GPR141: variants seen among roughly 807,000 people sequenced by gnomAD.
The protein encoded by GPR141 is probable G protein-coupled receptor 141.
In GPR141, 6 loss-of-function variants were observed where a neutral mutation model predicts 6.8. The ratio of observed to expected loss-of-function variants is 0.88; its 90% confidence interval spans 0.48 to 1.74. The LOEUF (loss-of-function observed/expected upper bound fraction) is 1.74, where lower values mean the gene tolerates loss of function less well. GPR141 is among the 40% of genes most tolerant of loss of function. GPR141 has a pLI of 0.01. For synonymous variants in GPR141, 140 were observed against 142.3 expected (o/e 0.98, Z 0.11); for missense variants, 372 against 372.9 (o/e 1.00, Z 0.02).
rs746461138 is a variant in GPR141, at chr7:37,741,126, A to G, written c.733A>G (p.Arg245Gly). 1.2e-6 allele frequency: 2 copies of G among 1,614,012 alleles called. No homozygotes were observed. The highest frequency in any genetic ancestry group is 8.5e-7 in the Non-Finnish European group (1 of 1,179,928). Residue 245 changes from arginine (R) to glycine (G), a missense_variant, in exon 3 of 3, where the codon AGG becomes GGG. By Grantham distance (125) the Arg-to-Gly change is moderately radical (BLOSUM62 -2). Transcript: ENST00000334425. Reference sequence around the variant, plus strand: ...TTGTTTCCTTCCCTACCAGTTCTTTAGGATCTATTACTTGAATGTTGTGAC... The same window carrying G: ...TTGTTTCCTTCCCTACCAGTTCTTTGGGATCTATTACTTGAATGTTGTGAC... The part of the protein sequence containing the change: ...LVCFLPYQFF[R>G]IYYLNVVTHS...
chr7:37,715,861 CAAG>C (rs1042525010), intron 2 of GPR141, among the ~76,000 whole-genome samples: 1 of 152,158 alleles, frequency 6.6e-6, no homozygotes, highest in Non-Finnish European at 1.5e-5. Context: ...CTACCTAAAA[CAAG>C]AGAATTTGCC....
chr7:37,722,720 CAAAAA>C (rs146286812), intron 2 of GPR141, among the ~76,000 whole-genome samples: 1 of 121,218 alleles, frequency 8.2e-6, no homozygotes. Flanking sequence ...GACTCCATCT[CAAAAA>C]AAAAAAAAAA....
chr7:37,719,378 A>G (rs1403319356), intron 2 of GPR141, among the ~76,000 whole-genome samples: 1 of 152,128 alleles, frequency 6.6e-6, no homozygotes, highest in East Asian at 1.9e-4. Flanking sequence ...GCAAGTTTTC[A>G]ATTTGGCAAG....
intron 2 of GPR141, among the ~76,000 whole-genome samples, chr7:37,714,951 T>C (rs76400111): frequency 0.018 from 2,766 of 152,364 alleles, 163 homozygotes; most frequent in Admixed American, 0.1. Context: ...TAGCATTTCT[T>C]TTCTGGATAT....
chr7:37,699,496 G>A (rs574507192), intron 2 of GPR141, among the ~76,000 whole-genome samples: 1 of 152,360 alleles, frequency 6.6e-6, no homozygotes, highest in South Asian at 2.1e-4. Flanking sequence ...AAGAGGCGGA[G>A]CTTGCAGTGA....
chr7:37,716,490 G>T (rs1315958165), intron 2 of GPR141, among the ~76,000 whole-genome samples: 1 of 152,144 alleles, frequency 6.6e-6, no homozygotes, highest in Non-Finnish European at 1.5e-5. Flanking sequence ...AGTAAGACTT[G>T]TTAGGGAATA....
chr7:37,710,585 G>C (rs1215491675), intron 2 of GPR141, among the ~76,000 whole-genome samples: 1 of 152,116 alleles, frequency 6.6e-6, no homozygotes, highest in East Asian at 1.9e-4. Context: ...TTGATTTCTT[G>C]AATTGGGTTC....
chr7:37,725,090 T>TA (rs1427563998), intron 2 of GPR141, among the ~76,000 whole-genome samples: 2 of 152,212 alleles, frequency 1.3e-5, no homozygotes, highest in Non-Finnish European at 2.9e-5. Context: ...TGTGATTTTT[T>TA]CTTCTGATTC....
intron 2 of GPR141, among the ~76,000 whole-genome samples, chr7:37,699,174 G>T (rs1810160031): frequency 1.3e-5 from 2 of 152,118 alleles, no homozygotes; most frequent in African/African-American, 2.4e-5. Flanking sequence ...TGAAGAATCA[G>T]ATAGTAAATA....
intron 2 of GPR141, among the ~76,000 whole-genome samples, chr7:37,704,112 C>A (rs1810415732): frequency 6.6e-6 from 1 of 152,116 alleles, no homozygotes; most frequent in South Asian, 2.1e-4. Context: ...ATTCCTTTGT[C>A]CAAACTCTGA....
At chr7:37,706,560 A>C (rs995082233) in intron 2 of GPR141, among the ~76,000 whole-genome samples, 5 of 151,972 alleles carry the variant, frequency 3.3e-5, no homozygotes, top group African/African-American at 1.2e-4. Context: ...CCTTCCGCTC[A>C]TCTGGAAGCG....
chr7:37,686,779 G>A lies in GPR141; in HGVS notation c.-15+1196G>A, dbSNP rs1249453516. 2.0e-5 allele frequency among the ~76,000 whole-genome samples: 3 copies of A among 152,076 alleles called. No individual in the cohort carries two copies. In the East Asian group the frequency reaches 5.8e-4, roughly 29 times the overall value. On this transcript the variant is annotated intron_variant, in intron 2 of 2. Transcript: ENST00000334425. ...TGTAACTGTGATTTCAAAATAATTG[G>A]CCAACTCAATATTGCAGTTCCTGAT... is the stretch of plus-strand genomic sequence containing the variant.
intron 2 of GPR141, among the ~76,000 whole-genome samples, chr7:37,716,140 T>A (rs1304657113): frequency 2.0e-5 from 3 of 152,176 alleles, no homozygotes; most frequent in Non-Finnish European, 4.4e-5. Flanking sequence ...CAAACCCAGC[T>A]GTCCACAACA....
intron 2 of GPR141, among the ~76,000 whole-genome samples, chr7:37,720,070 C>T (rs1811243677): frequency 6.6e-6 from 1 of 152,112 alleles, no homozygotes; most frequent in African/African-American, 2.4e-5. Context: ...TAAACTACTG[C>T]CAGGGCAACG....
intron 2 of GPR141, among the ~76,000 whole-genome samples, chr7:37,716,770 T>C (rs1811070338): frequency 6.6e-6 from 1 of 152,252 alleles, no homozygotes; most frequent in South Asian, 2.1e-4. Context: ...TGATTCCTTC[T>C]TAAGAATTTC....
intron 2 of GPR141, among the ~76,000 whole-genome samples, chr7:37,713,970 A>G (rs901851864): frequency 6.6e-6 from 1 of 152,152 alleles, no homozygotes; most frequent in Admixed American, 6.5e-5. Context: ...TGGTAATAAG[A>G]TCAGAATTCA....
chr7:37,688,382 A>T (rs1809607621), intron 2 of GPR141, among the ~76,000 whole-genome samples: 1 of 152,156 alleles, frequency 6.6e-6, no homozygotes. Context: ...CAGTGAGCCA[A>T]GATTGCACCA....
chr7:37,696,731 C>A (rs1356417607), intron 2 of GPR141, among the ~76,000 whole-genome samples: 1 of 152,006 alleles, frequency 6.6e-6, no homozygotes, highest in East Asian at 1.9e-4. Flanking sequence ...AGGATCCAGT[C>A]TTTATGCTAT....
intron 2 of GPR141, among the ~76,000 whole-genome samples, chr7:37,707,630 GA>G (rs1203701317): frequency 2.6e-5 from 4 of 152,150 alleles, no homozygotes; most frequent in Non-Finnish European, 4.4e-5. Context: ...CCAATTTACA[GA>G]TAAGGAAAAT....
Sources: allele counts gnomAD v4.1 joint callset (sites outside exome capture counted in the v4.1 genomes callset), GRCh38; gene constraint gnomAD v4.1.1; transcripts MANE v1.5; gene names NCBI Gene and HGNC (gene_info 2026-07-23, HGNC 2026-07-21).